The following CDH23 variants were observed in gnomAD, a reference collection of about 807,000 sequenced individuals.
CDH23 encodes cadherin related 23.
Under a neutral mutation model 317.1 loss-of-function variants are expected in CDH23, and 189 were observed. That is an observed-to-expected ratio of 0.60 (90% confidence interval 0.53 to 0.67). CDH23 has a LOEUF of 0.67. CDH23 is among the 30% of genes least tolerant of loss of function. CDH23 has a pLI of 0.00. For synonymous variants in CDH23, 1,839 were observed against 1,876.8 expected, an observed-to-expected ratio of 0.98 and a Z score of 0.52; for missense variants, 4,401 against 4,592.4, an observed-to-expected ratio of 0.96 and a Z score of 1.20.
intron 49 of CDH23, 52 bp from the exon 50 acceptor site, chr10:71,798,302 C>T (rs1177364202): frequency 2.0e-5 from 28 of 1,420,352 alleles, no homozygotes; most frequent in Non-Finnish European, 2.7e-5. Flanking sequence ...AAGGCCTGGC[C>T]CAGCCACACT....
intron 17 of CDH23, among the ~76,000 whole-genome samples, chr10:71,682,063 GAC>G (rs2132681453): frequency 6.6e-6 from 1 of 152,300 alleles, no homozygotes; most frequent in East Asian, 1.9e-4. Context: ...CAGACAGACA[GAC>G]AGACAAGCAG....
intron 26 of CDH23, chr10:71,707,573 A>C (rs1477557138): frequency 1.0e-6 from 1 of 989,080 alleles, no homozygotes; most frequent in African/African-American, 1.7e-5. Flanking sequence ...CCTGGCTCAC[A>C]GGGGAAAGTG....
intron 3 of CDH23, among the ~76,000 whole-genome samples, chr10:71,496,571 G>A (rs1852984214): frequency 6.6e-6 from 1 of 152,246 alleles, no homozygotes; most frequent in South Asian, 2.1e-4. Context: ...CGTTGGGAGT[G>A]TGGGATGCAG....
chr10:71,753,681 C>T (rs1840062823), intron 38 of CDH23: 2 of 443,926 alleles, frequency 4.5e-6, no homozygotes, highest in Non-Finnish European at 9.1e-6. Context: ...ATGCAGTGAC[C>T]CCAACTTCCC....
chr10:71,570,716 G>A (rs1857737313), intron 7 of CDH23, 74 bp from the exon 8 acceptor site: 1 of 1,519,916 alleles, frequency 6.6e-7, no homozygotes, highest in South Asian at 1.2e-5. Context: ...AGGTCTGTGT[G>A]TGTGTGTACA....
At chr10:71,536,931 T>C (rs1200031072) in intron 6 of CDH23, among the ~76,000 whole-genome samples, 1 of 152,108 alleles carries the variant, frequency 6.6e-6, no homozygotes, top group African/African-American at 2.4e-5. Flanking sequence ...CCTGCGAGCC[T>C]TGAGGACAGT....
At chr10:71,635,183 T>G (rs759622843) in intron 11 of CDH23, 3 of 152,696 alleles carry the variant, frequency 2.0e-5, no homozygotes, top group African/African-American at 2.4e-5. Flanking sequence ...CAAAAGCACC[T>G]GCCCCTCATT....
At chr10:71,739,603 C>T (rs538123510) in intron 35 of CDH23, 41 bp from the exon 36 acceptor site, 2 of 1,603,300 alleles carry the variant, frequency 1.2e-6, no homozygotes, top group Admixed American at 3.4e-5. Flanking sequence ...GCCACCTCTC[C>T]TCCACACCTG....
At chr10:71,715,819 G>T in intron 28 of CDH23, 2 of 1,009,052 alleles carry the variant, frequency 2.0e-6, no homozygotes, top group South Asian at 4.1e-5. Context: ...GGGGGTGAGT[G>T]TGTGTCCCAG....
intron 16 of CDH23, among the ~76,000 whole-genome samples, chr10:71,677,978 G>A (rs918740171): frequency 6.6e-6 from 1 of 152,156 alleles, no homozygotes; most frequent in Non-Finnish European, 1.5e-5. Flanking sequence ...TGCAAGAGGG[G>A]CTGACCTTCT....
chr10:71,439,443 A>C (rs10762448), intron 1 of CDH23, among the ~76,000 whole-genome samples: 3 of 151,642 alleles, frequency 2.0e-5, no homozygotes, highest in Non-Finnish European at 4.4e-5. Flanking sequence ...AGGCTCTGTC[A>C]CTCTTGGGGG....
intron 6 of CDH23, among the ~76,000 whole-genome samples, chr10:71,521,642 G>A (rs1854690455): frequency 1.3e-5 from 2 of 152,232 alleles, no homozygotes; most frequent in African/African-American, 4.8e-5. Context: ...CCGTGGGAGA[G>A]GGTAGGGGAG....
chr10:71,684,199 C>T (rs1190304575), intron 18 of CDH23, among the ~76,000 whole-genome samples: 1 of 151,990 alleles, frequency 6.6e-6, no homozygotes, highest in Non-Finnish European at 1.5e-5. Flanking sequence ...GCAGTCATGA[C>T]CATGGACTGG....
intron 17 of CDH23, among the ~76,000 whole-genome samples, chr10:71,680,566 G>A (rs1864579145): frequency 6.6e-6 from 1 of 151,892 alleles, no homozygotes; most frequent in African/African-American, 2.4e-5. Context: ...TGGCCAACAT[G>A]GTGAAACCCT....
intron 9 of CDH23, among the ~76,000 whole-genome samples, chr10:71,612,814 C>T (rs545663708): frequency 6.6e-6 from 1 of 152,348 alleles, no homozygotes; most frequent in South Asian, 2.1e-4. Flanking sequence ...CAGCACTGAT[C>T]ACCCTGTACG....
chr10:71,707,396 G>A, intron 26 of CDH23: 1 of 1,340,492 alleles, frequency 7.5e-7, no homozygotes, highest in Non-Finnish European at 9.6e-7. Flanking sequence ...GGGTGACAGA[G>A]CAGTGACTTG....
intron 1 of CDH23, among the ~76,000 whole-genome samples, chr10:71,398,193 C>G (rs1026651564): frequency 6.6e-6 from 1 of 152,234 alleles, no homozygotes; most frequent in Non-Finnish European, 1.5e-5. Context: ...CGCCGCCCCA[C>G]TGCGACCCCA....
intron 1 of CDH23, among the ~76,000 whole-genome samples, chr10:71,436,187 T>G (rs1413142679): frequency 6.6e-6 from 1 of 152,230 alleles, no homozygotes; most frequent in African/African-American, 2.4e-5. Flanking sequence ...AGGCAGTCCC[T>G]GCCAATCCTG....
rs975152782 is a variant in CDH23, at chr10:71,812,897, C to T, written c.9633+7C>T. 5 of 1,612,964 alleles carry T rather than the reference C, an allele frequency of 3.1e-6. No homozygotes were observed. The East Asian group carries it at 8.9e-5, about 29-fold the overall frequency. ...TCGTGAGGGGCCAATCAAGGTGAGC[C>T]TTCCCTGCAGGCTCCGCGCCCAGTC... On this transcript the variant is annotated splice_region_variant and intron_variant, in intron 68 of 69. Transcript: ENST00000224721.
Sources: gnomAD v4.1 joint callset for allele counts (sites outside exome capture counted in the v4.1 genomes callset) on GRCh38, gnomAD v4.1.1 for gene constraint, MANE v1.5 for transcripts, NCBI Gene and HGNC (gene_info 2026-07-23, HGNC 2026-07-21) for gene names.